Variants in PPFIBP1 observed in about 807,000 individuals in gnomAD.
The protein encoded by PPFIBP1 is PPFIB scaffold protein 1.
PPFIBP1 carries 112 observed loss-of-function variants against 137.8 expected under a neutral mutation model. The ratio of observed to expected loss-of-function variants is 0.81; its 90% CI spans 0.70 to 0.95. The LOEUF (loss-of-function observed/expected upper bound fraction) is 0.95, where lower values mean the gene tolerates loss of function less well. PPFIBP1 is among the 40% of genes least tolerant of loss of function. PPFIBP1 has a pLI of 0.00. For synonymous variants in PPFIBP1, 378 were observed against 417.3 expected (o/e 0.91, Z 1.15); for missense variants, 1,083 against 1,196.6 (o/e 0.91, Z 1.40).
At chr12:27,579,952 G>C (rs573188375) in intron 2 of PPFIBP1, among the ~76,000 whole-genome samples, 1 of 152,280 alleles carries the variant, frequency 6.6e-6, no homozygotes, top group South Asian at 2.1e-4. Context: ...TATTGTCCTG[G>C]CAGAGAAGGG....
intron 2 of PPFIBP1, among the ~76,000 whole-genome samples, chr12:27,581,146 T>A (rs899201536): frequency 6.6e-6 from 1 of 152,196 alleles, no homozygotes; most frequent in African/African-American, 2.4e-5. Context: ...CTTCTCACCT[T>A]GGCCTCCCAC....
At chr12:27,570,161 A>G (rs10771343) in intron 1 of PPFIBP1, among the ~76,000 whole-genome samples, 49,041 of 151,984 alleles carry the variant, frequency 0.32, 9,146 homozygotes, top group African/African-American at 0.51. Context: ...TTTTCACCAT[A>G]TATTTATTTT....
intron 1 of PPFIBP1, among the ~76,000 whole-genome samples, chr12:27,530,074 T>C (rs1944244832): frequency 1.3e-5 from 2 of 152,366 alleles, no homozygotes; most frequent in South Asian, 4.1e-4. Flanking sequence ...AGGTTGAAAC[T>C]CTGTGGTCTA....
chr12:27,687,557 A>T, intron 25 of PPFIBP1, 50 bp downstream of exon 25: 2 of 1,596,354 alleles, frequency 1.3e-6, no homozygotes, highest in Non-Finnish European at 1.7e-6. Flanking sequence ...CAGGCATGGG[A>T]CTGTCCATGT....
At position 27,671,451 on chromosome 12, in the gene PPFIBP1, A is replaced by G. The variant is rs141690857; in HGVS notation, c.1167A>G (p.Gln389=). 3.8e-5 allele frequency: 60 copies of G among 1,591,848 alleles called. No individual in the cohort carries two copies. The African/African-American group carries it at 7.8e-4, about 21-fold the overall frequency. ...VPEEFHTTIL[Q]VSIPSLLPAT... ...TACAGTTCCATACTACCATCTTGCA[A>G]GTTTCCATCCCTTCATTATTGCCAG... Residue 389 remains glutamine, a synonymous_variant, in exon 14 of 30, where the codon CAA becomes CAG. Coordinates refer to ENST00000228425, the MANE Select transcript of PPFIBP1 (RefSeq NM_003622.4).
chr12:27,672,380 C>A, intron 14 of PPFIBP1, 47 bp from the exon 15 acceptor site: 3 of 1,458,854 alleles, frequency 2.1e-6, no homozygotes, highest in Non-Finnish European at 2.9e-6. Context: ...CATATATGGT[C>A]TTTTATTCGT....
chr12:27,692,773 C>T (rs745824646), intron 29 of PPFIBP1, 23 bp from the exon 30 acceptor site: 3 of 1,614,008 alleles, frequency 1.9e-6, no homozygotes, highest in South Asian at 2.2e-5. Flanking sequence ...CTCAGTGTGA[C>T]TCCCTGTCTC....
intron 1 of PPFIBP1, among the ~76,000 whole-genome samples, chr12:27,573,265 C>T (rs984571645): frequency 3.9e-5 from 6 of 152,102 alleles, no homozygotes; most frequent in Non-Finnish European, 7.3e-5. Flanking sequence ...TGATTAAATA[C>T]CCGAATGAAT....
chr12:27,529,626 G>A (rs142607338), intron 1 of PPFIBP1, among the ~76,000 whole-genome samples: 2,278 of 152,302 alleles, frequency 0.015, 47 homozygotes, highest in African/African-American at 0.051. Context: ...GCCGGGAGGC[G>A]GAGGTTACAG....
At chr12:27,596,071 T>TACACACACACACACACACACACACAC (rs376577510) in intron 2 of PPFIBP1, among the ~76,000 whole-genome samples, 1 of 130,706 alleles carries the variant, frequency 7.7e-6, no homozygotes, top group Non-Finnish European at 1.6e-5. Context: ...TGGGTATAAA[T>TACACACACACACACACACACACACAC]ACACACACAC....
At chr12:27,582,837 G>A (rs1446003560) in intron 2 of PPFIBP1, among the ~76,000 whole-genome samples, 3 of 152,222 alleles carry the variant, frequency 2.0e-5, no homozygotes, top group East Asian at 1.9e-4. Flanking sequence ...GAGCTGAGGT[G>A]TAATCCCTTA....
chr12:27,577,360 C>A (rs1372494744), intron 1 of PPFIBP1, among the ~76,000 whole-genome samples: 1 of 152,052 alleles, frequency 6.6e-6, no homozygotes, highest in Non-Finnish European at 1.5e-5. Context: ...AGGAAACAGC[C>A]ACATCCATAC....
At chr12:27,543,021 A>G (rs542331420) in intron 1 of PPFIBP1, among the ~76,000 whole-genome samples, 2 of 152,218 alleles carry the variant, frequency 1.3e-5, no homozygotes, top group Non-Finnish European at 2.9e-5. Flanking sequence ...AATCTGTTAC[A>G]TAACCCAGGG....
intron 1 of PPFIBP1, among the ~76,000 whole-genome samples, chr12:27,556,439 G>A (rs1308209407): frequency 6.6e-6 from 1 of 152,200 alleles, no homozygotes; most frequent in Non-Finnish European, 1.5e-5. Flanking sequence ...CCCAGAAAAT[G>A]TGACAAAAGG....
At chr12:27,650,997 C>G (rs2058842047) in intron 7 of PPFIBP1, among the ~76,000 whole-genome samples, 1 of 152,060 alleles carries the variant, frequency 6.6e-6, no homozygotes, top group South Asian at 2.1e-4. Context: ...AAAATGGGTA[C>G]CAAGGAGAGA....
At chr12:27,536,161 G>A (rs956054728) in intron 1 of PPFIBP1, among the ~76,000 whole-genome samples, 12 of 152,198 alleles carry the variant, frequency 7.9e-5, no homozygotes, top group African/African-American at 2.9e-4. Context: ...GCACTCGCTT[G>A]AAGTCTTGCT....
At chr12:27,664,152 G>T (rs2059716144) in intron 11 of PPFIBP1, among the ~76,000 whole-genome samples, 1 of 152,180 alleles carries the variant, frequency 6.6e-6, no homozygotes, top group Admixed American at 6.5e-5. Flanking sequence ...AGGAAACATA[G>T]TCTAGTTATT....
At chr12:27,668,271 C>A (rs1039142727) in intron 13 of PPFIBP1, among the ~76,000 whole-genome samples, 1 of 152,142 alleles carries the variant, frequency 6.6e-6, no homozygotes, top group Non-Finnish European at 1.5e-5. Context: ...CGCATAGCTT[C>A]TTGAGGACTC....
Position 27,693,038 on chromosome 12 carries a change from C to G in PPFIBP1, c.*156C>G. ...TAAACAGAAAGCAGGAGTAATGTGC[C>G]GATTCTGAAGTTGCCACAAAAAATA... is the stretch of plus-strand genomic sequence containing the variant. On this transcript the variant is annotated 3_prime_UTR_variant, in exon 30 of 30. Coordinates refer to ENST00000228425, the MANE Select transcript of PPFIBP1 (RefSeq NM_003622.4). 1 of 1,231,758 alleles carries G rather than the reference C, an allele frequency of 8.1e-7. No homozygotes were observed. The allele number at this position is 1,231,758 out of a possible 1,614,324, so 76.3% of individuals were successfully genotyped here.
Sources: gnomAD v4.1 joint callset for allele counts (sites outside exome capture counted in the v4.1 genomes callset) on GRCh38, gnomAD v4.1.1 for gene constraint, MANE v1.5 for transcripts, NCBI Gene and HGNC (gene_info 2026-07-23, HGNC 2026-07-21) for gene names.